The following NGEF variants were observed in gnomAD, a reference collection of about 807,000 sequenced individuals.
NGEF encodes the protein ephexin-1.
A neutral mutation model predicts 80.9 loss-of-function variants in NGEF; 31 were observed. The observed-to-expected ratio is 0.38, with a 90% confidence interval of 0.29 to 0.52. The LOEUF is 0.52. NGEF is among the 20% of genes least tolerant of loss of function. The pLI is 0.84. For synonymous variants in NGEF, 371 were observed against 370.2 expected (o/e 1.00, Z -0.03); for missense variants, 709 against 926.2 (o/e 0.77, Z 3.04).
Position 232,899,700 on chromosome 2 carries a change from TCACA to T in NGEF, c.829-4788_829-4785del, listed in dbSNP as rs1234582168. On this transcript the variant is annotated intron_variant, in intron 5 of 14. Transcript: ENST00000264051. ...CACAGTCACTCATACACACATTCAC[TCACA>T]CACGCTCTCAGTCACTCATATACAC... is the stretch of plus-strand genomic sequence containing the variant. Among the ~76,000 whole-genome samples, 15 of 61,656 alleles carry T rather than the reference TCACA, an allele frequency of 2.4e-4. 1 individual carries two copies. Among genetic ancestry groups the T allele is most frequent in the African/African-American group, 6.5e-4 (10 of 15,306 alleles). 40.4% of individuals were successfully genotyped at this position (61,656 alleles called of 152,430 possible).
chr2:232,891,893 C>T (rs567414462), intron 7 of NGEF, among the ~76,000 whole-genome samples: 18 of 152,176 alleles, frequency 1.2e-4, no homozygotes, highest in South Asian at 6.2e-4. Flanking sequence ...GTGGGCTCAG[C>T]GGTGGGCTGG....
chr2:232,917,618 C>T (rs926712214), intron 5 of NGEF, among the ~76,000 whole-genome samples: 11 of 151,610 alleles, frequency 7.3e-5, no homozygotes, highest in Admixed American at 2.0e-4. Context: ...TACAGGGACC[C>T]GCCACCACGC....
At chr2:232,928,447 G>A (rs946987691) in intron 3 of NGEF, among the ~76,000 whole-genome samples, 1 of 151,622 alleles carries the variant, frequency 6.6e-6, no homozygotes, top group African/African-American at 2.4e-5. Flanking sequence ...TGGAAGGGGC[G>A]GGCGAGGCCA....
At chr2:232,918,325 T>G (rs13423949) in intron 5 of NGEF, among the ~76,000 whole-genome samples, 24,861 of 152,124 alleles carry the variant, frequency 0.16, 2,591 homozygotes, top group Non-Finnish European at 0.22. Flanking sequence ...GGTCTTGAAC[T>G]CTTGACCTCA....
rs549066501 is a variant in NGEF at position 232,993,372 on chromosome 2, C to T, written c.-74-18408G>A. On this transcript the variant is annotated intron_variant, in intron 1 of 14. Transcript: ENST00000264051. ...GCAAATAAAAGCCACAATGAGATAT[C>T]ACTTTGCACTCACTAGGGTGGCTGT... 4.0e-5 allele frequency among the ~76,000 whole-genome samples: 6 copies of T among 151,292 alleles called. No individual in the cohort carries two copies. In the South Asian group the frequency reaches 1.2e-3, roughly 31 times the overall value.
At chr2:233,005,111 C>G (rs548785246) in intron 1 of NGEF, among the ~76,000 whole-genome samples, 31 of 152,182 alleles carry the variant, frequency 2.0e-4, no homozygotes, top group Admixed American at 2.0e-3. Context: ...TCGTTGTCCT[C>G]GATGGATTCT....
At chr2:232,922,792 G>A (rs1370520472) in intron 4 of NGEF, among the ~76,000 whole-genome samples, 1 of 152,222 alleles carries the variant, frequency 6.6e-6, no homozygotes, top group African/African-American at 2.4e-5. Context: ...TTCCAAGGCT[G>A]GGTGTGGTGG....
intron 1 of NGEF, among the ~76,000 whole-genome samples, chr2:232,990,615 G>A (rs1694632034): frequency 6.6e-6 from 1 of 152,028 alleles, no homozygotes; most frequent in South Asian, 2.1e-4. Flanking sequence ...ATCATTAAAT[G>A]TTACAATAAT....
intron 5 of NGEF, among the ~76,000 whole-genome samples, chr2:232,913,502 C>T (rs527680359): frequency 2.0e-5 from 3 of 152,216 alleles, no homozygotes; most frequent in Middle Eastern, 3.4e-3. Flanking sequence ...TGATGGTGGC[C>T]GATTCTTCCA....
chr2:232,900,195 CTCACAG>C (rs201955501), intron 5 of NGEF, among the ~76,000 whole-genome samples: 1 of 147,932 alleles, frequency 6.8e-6, no homozygotes, highest in African/African-American at 2.6e-5. Flanking sequence ...CACACACGCT[CTCACAG>C]TCACTCATAT....
intron 5 of NGEF, among the ~76,000 whole-genome samples, chr2:232,904,720 G>A (rs1692448913): frequency 6.6e-6 from 1 of 152,140 alleles, no homozygotes; most frequent in Non-Finnish European, 1.5e-5. Context: ...GAGGCAGGAG[G>A]ATTGCTTGAG....
intron 3 of NGEF, chr2:232,928,124 AGCCGCCGCC>A: frequency 2.0e-6 from 2 of 1,003,278 alleles, no homozygotes; most frequent in Non-Finnish European, 2.4e-6. Context: ...CCGGAGCTGC[AGCCGCCGCC>A]GCCACCGCTG....
chr2:232,960,302 C>T (rs1693919997), intron 3 of NGEF, among the ~76,000 whole-genome samples: 1 of 152,152 alleles, frequency 6.6e-6, no homozygotes, highest in African/African-American at 2.4e-5. Context: ...GGACTAGAAC[C>T]CTGATTCATG....
intron 1 of NGEF, among the ~76,000 whole-genome samples, chr2:232,999,652 C>T (rs1694928252): frequency 6.6e-6 from 1 of 152,260 alleles, no homozygotes; most frequent in African/African-American, 2.4e-5. Flanking sequence ...GAGCCTCCGC[C>T]CTTGGCAAGC....
chr2:232,987,180 C>T (rs932130820), intron 1 of NGEF, among the ~76,000 whole-genome samples: 2 of 152,120 alleles, frequency 1.3e-5, no homozygotes, highest in Non-Finnish European at 2.9e-5. Context: ...CCACGCCTGG[C>T]TAATTTTTTA....
chr2:232,973,470 G>T (rs1485449523), intron 2 of NGEF, among the ~76,000 whole-genome samples: 1 of 152,350 alleles, frequency 6.6e-6, no homozygotes, highest in Middle Eastern at 3.4e-3. Flanking sequence ...CTGGCCCTGT[G>T]GGCTGGTTTG....
intron 11 of NGEF, 49 bp downstream of exon 11, chr2:232,883,932 C>A (rs927921051): frequency 1.9e-6 from 3 of 1,540,942 alleles, no homozygotes; most frequent in African/African-American, 2.7e-5. Flanking sequence ...CAATGCCCAA[C>A]ACACTCCTCT....
chr2:232,955,575 G>C (rs1447577670), intron 3 of NGEF, among the ~76,000 whole-genome samples: 2 of 152,172 alleles, frequency 1.3e-5, no homozygotes, highest in African/African-American at 4.8e-5. Context: ...CCAGGCTGGA[G>C]TGCAGTGGTG....
chr2:232,967,706 G>GTGT (rs1694093492), intron 3 of NGEF, among the ~76,000 whole-genome samples: 1 of 148,348 alleles, frequency 6.7e-6, no homozygotes, highest in Non-Finnish European at 1.5e-5. Flanking sequence ...ATAAAATAGG[G>GTGT]GTGTGTGTGT....
Sources: allele counts gnomAD v4.1 joint callset (sites outside exome capture counted in the v4.1 genomes callset), GRCh38; gene constraint gnomAD v4.1.1; transcripts MANE v1.5; gene names NCBI Gene and HGNC (gene_info 2026-07-23, HGNC 2026-07-21).